The following POLI variants were observed in gnomAD, a reference collection of about 807,000 sequenced individuals.
The protein encoded by POLI is RAD30 homolog B.
In POLI, 58 loss-of-function variants were observed where a neutral mutation model predicts 51.6. The observed-to-expected ratio is 1.12, with a 90% CI of 0.91 to 1.40. The LOEUF (loss-of-function observed/expected upper bound fraction) is 1.40, where lower values mean the gene tolerates loss of function less well. Among genes scored for constraint, POLI ranks in the 40% most tolerant of loss-of-function variants. The pLI, the probability that POLI is intolerant of heterozygous loss-of-function variation, is 0.00. For synonymous variants in POLI, 322 were observed against 299.7 expected (o/e 1.07, Z -0.77); for missense variants, 921 against 871.3 (o/e 1.06, Z -0.72).
chr18:54,290,709 C>G (rs941737761), intron 8 of POLI, among the ~76,000 whole-genome samples: 1 of 152,092 alleles, frequency 6.6e-6, no homozygotes, highest in Non-Finnish European at 1.5e-5. Flanking sequence ...AACCATCATT[C>G]TCAGCAAACT....
intron 6 of POLI, 28 bp downstream of exon 6, chr18:54,283,043 GTACTGGT>G: frequency 7.2e-7 from 1 of 1,395,106 alleles, no homozygotes; most frequent in Non-Finnish European, 1.0e-6. Context: ...TTTTAATTAA[GTACTGGT>G]TATCACATTA....
At chr18:54,311,440 T>C (rs2088667568) in intron 3 of POLI, among the ~76,000 whole-genome samples, 1 of 152,224 alleles carries the variant, frequency 6.6e-6, no homozygotes, top group South Asian at 2.1e-4. Context: ...GTCAGTATAG[T>C]ATATTTGTGT....
chr18:54,308,317 AT>A (rs2088621345), intron 3 of POLI, among the ~76,000 whole-genome samples: 1 of 152,046 alleles, frequency 6.6e-6, no homozygotes, highest in Non-Finnish European at 1.5e-5. Flanking sequence ...TCTGTAAAGG[AT>A]TTTATTTCTC....
At chr18:54,273,889 A>G in intron 2 of POLI, 37 bp from the exon 3 acceptor site, 1 of 1,220,176 alleles carries the variant, frequency 8.2e-7, no homozygotes, top group Non-Finnish European at 1.1e-6. Flanking sequence ...TGTTTTCTTC[A>G]ATTGTGCTTG....
intron 3 of POLI, among the ~76,000 whole-genome samples, chr18:54,303,965 A>G (rs1414051776): frequency 6.6e-6 from 1 of 151,184 alleles, no homozygotes; most frequent in Non-Finnish European, 1.5e-5. Context: ...CCTGTGTCCA[A>G]GTGTTCTCAT....
At chr18:54,281,163 G>A (rs902114301) in intron 5 of POLI, among the ~76,000 whole-genome samples, 1 of 152,090 alleles carries the variant, frequency 6.6e-6, no homozygotes, top group Non-Finnish European at 1.5e-5. Flanking sequence ...GGTCATGAAA[G>A]TTATAGCCTA....
chr18:54,304,408 C>G (rs1350434617), intron 3 of POLI, among the ~76,000 whole-genome samples: 1 of 152,178 alleles, frequency 6.6e-6, no homozygotes, highest in Non-Finnish European at 1.5e-5. Flanking sequence ...TTCTCCACAT[C>G]CTCTCCAGCA....
At chr18:54,314,044 C>T (rs367935631) in intron 3 of POLI, among the ~76,000 whole-genome samples, 11 of 152,244 alleles carry the variant, frequency 7.2e-5, no homozygotes, top group African/African-American at 1.7e-4. Context: ...AAAGGGAATG[C>T]GTCCAGCTTT....
At chr18:54,293,365 G>A (rs115122886) in intron 9 of POLI, among the ~76,000 whole-genome samples, 282 of 151,934 alleles carry the variant, frequency 1.9e-3, no homozygotes, top group African/African-American at 6.4e-3. Flanking sequence ...TGAAAGTTTG[G>A]TTGCATGATT....
chr18:54,311,409 A>G (rs2088666883), intron 3 of POLI, among the ~76,000 whole-genome samples: 1 of 152,242 alleles, frequency 6.6e-6, no homozygotes, highest in Non-Finnish European at 1.5e-5. Flanking sequence ...TATTGAAATT[A>G]CTATTGAATT....
chr18:54,302,469 T>A (rs2088509318), downstream of POLI, among the ~76,000 whole-genome samples: 1 of 152,106 alleles, frequency 6.6e-6, no homozygotes, highest in African/African-American at 2.4e-5. Context: ...TTTCTCAATG[T>A]TTTTAGTCTT....
At chr18:54,311,736 G>T (rs2088672373) in intron 3 of POLI, among the ~76,000 whole-genome samples, 1 of 152,128 alleles carries the variant, frequency 6.6e-6, no homozygotes, top group Non-Finnish European at 1.5e-5. Flanking sequence ...CCAAAGTTTA[G>T]GTTTAGCCTT....
At chr18:54,291,617 TC>T in intron 8 of POLI, 1 of 303,570 alleles carries the variant, frequency 3.3e-6, no homozygotes. Flanking sequence ...GAGAGGATTT[TC>T]TGACCATATC....
chr18:54,293,935 C>A lies in POLI; in HGVS notation c.1691C>A (p.Ala564Asp), dbSNP rs2088155586. Residue 564 changes from alanine to aspartate, a missense_variant, in exon 10 of 10, where the codon GCC (alanine) becomes GAC (aspartate). By Grantham distance (126) the Ala-to-Asp change is moderately radical (BLOSUM62 -2). Transcript: ENST00000579534. ...GGAAGTGTGAGTTGTCCATTACATGCCTCTAGAGGAGTATTATCTTTCTTT... is the reference window on the plus strand; with the variant it reads ...GGAAGTGTGAGTTGTCCATTACATGACTCTAGAGGAGTATTATCTTTCTTT... ...GKGSVSCPLH[A>D]SRGVLSFFSK... 4 of 1,612,042 alleles carry A rather than the reference C, an allele frequency of 2.5e-6. No individual in the cohort carries two copies. Among genetic ancestry groups the A allele is most frequent in the South Asian group, 1.1e-5 (1 of 91,030 alleles).
rs1242851874 is a variant in POLI at position 54,298,164 on chromosome 18, A to G, written c.*3697A>G. 4 of 532,848 alleles carry G rather than the reference A, an allele frequency of 7.5e-6. No individual in the cohort carries two copies. Among genetic ancestry groups the G allele is most frequent in the African/African-American group, 6.2e-5 (3 of 48,564 alleles). The allele number at this position is 532,848 out of a possible 1,614,324, so 33.0% of individuals were successfully genotyped here. The stretch of plus-strand genomic sequence containing the variant: ...TATATAGAAAGGTACATAAACATAA[A>G]TGAACATGTTAATGAGTAATTGTAA... On this transcript the variant is annotated 3_prime_UTR_variant, in exon 10 of 10. Coordinates refer to ENST00000579534, the MANE Select transcript of POLI (RefSeq NM_007195.3).
chr18:54,315,921 A>ATT (rs1266399426), intron 3 of POLI, among the ~76,000 whole-genome samples: 4 of 143,328 alleles, frequency 2.8e-5, no homozygotes, highest in Admixed American at 1.4e-4. Flanking sequence ...CATTTTATGC[A>ATT]TTTTTTTTTT....
chr18:54,308,765 G>C (rs773913808), intron 3 of POLI, among the ~76,000 whole-genome samples: 9 of 152,038 alleles, frequency 5.9e-5, no homozygotes, highest in Non-Finnish European at 1.2e-4. Flanking sequence ...TATTTCTTGA[G>C]GGCTTTGTTT....
chr18:54,307,931 C>G (rs2088615740), intron 3 of POLI, among the ~76,000 whole-genome samples: 1 of 147,926 alleles, frequency 6.8e-6, no homozygotes, highest in African/African-American at 2.5e-5. Flanking sequence ...TTACCATTTA[C>G]TTGGTAGATT....
chr18:54,309,484 T>A (rs572770019), intron 3 of POLI, among the ~76,000 whole-genome samples: 1 of 152,248 alleles, frequency 6.6e-6, no homozygotes, highest in East Asian at 1.9e-4. Flanking sequence ...GGCACCCGGC[T>A]GTATGAGGTG....
Sources: allele counts gnomAD v4.1 joint callset (sites outside exome capture counted in the v4.1 genomes callset), GRCh38; gene constraint gnomAD v4.1.1; transcripts MANE v1.5; gene names NCBI Gene and HGNC (gene_info 2026-07-23, HGNC 2026-07-21).